KCNJ3: variants seen among roughly 807,000 people sequenced by gnomAD.
The protein encoded by KCNJ3 is potassium inwardly rectifying channel subfamily J member 3.
In KCNJ3, 4 loss-of-function variants were observed where a neutral mutation model predicts 39.2. That is an observed-to-expected ratio of 0.10 (90% CI 0.05 to 0.23). The LOEUF (loss-of-function observed/expected upper bound fraction) is 0.23. Among genes scored for constraint, KCNJ3 ranks in the 10% least tolerant of loss-of-function variants. The pLI, the probability that KCNJ3 is intolerant of heterozygous loss-of-function variation, is 1.00. For synonymous variants in KCNJ3, 230 were observed against 237.4 expected (o/e 0.97, Z 0.29); for missense variants, 276 against 634.9 (o/e 0.43, Z 6.08).
At chr2:154,728,616 T>C (rs914887848) in intron 2 of KCNJ3, among the ~76,000 whole-genome samples, 1 of 152,196 alleles carries the variant, frequency 6.6e-6, no homozygotes, top group Non-Finnish European at 1.5e-5. Flanking sequence ...GAATTTCCTA[T>C]AAAAGAATGT....
chr2:154,735,150 G>A lies in KCNJ3; in HGVS notation c.919+25331G>A, dbSNP rs1406993288. On this transcript the variant is annotated intron_variant, in intron 2 of 2. Coordinates refer to ENST00000295101, the MANE Select transcript of KCNJ3 (RefSeq NM_002239.4). The stretch of plus-strand genomic sequence containing the variant: ...CGCCCAGGCGGGAGTGCAGGGGCGC[G>A]ATCTCGGCTCACTGCAAGCTCCGCC... Among the ~76,000 whole-genome samples, 7 of 151,774 alleles carry A rather than the reference G, an allele frequency of 4.6e-5. No individual in the cohort carries two copies. The South Asian group carries it at 1.0e-3, about 23-fold the overall frequency.
At position 154,855,707 on chromosome 2, in the gene KCNJ3, A is replaced by AG. The variant is rs757452826; in HGVS notation, c.*397dup. The AG allele has an allele frequency of 1.9e-5, 3 of 157,986 alleles. No homozygotes were observed. The highest frequency in any genetic ancestry group is 2.8e-5 in the Non-Finnish European group (2 of 71,152). The allele number at this position is 157,986 out of a possible 1,614,324, so 9.8% of individuals were successfully genotyped here. A position where few individuals can be genotyped will look rare whatever the true frequency, so the allele number is the denominator to read the frequency against. On this transcript the variant is annotated 3_prime_UTR_variant, in exon 3 of 3. Transcript: ENST00000295101. ...AGCCAAACATGAGTGAATAGCTTTC[A>AG]GGGCGATAAAACTAAATATATGTCT... is the stretch of plus-strand genomic sequence containing the variant.
intron 2 of KCNJ3, among the ~76,000 whole-genome samples, chr2:154,779,241 C>G (rs1558871993): frequency 6.6e-6 from 1 of 151,760 alleles, no homozygotes; most frequent in South Asian, 2.1e-4. Flanking sequence ...TCACTTACCT[C>G]TAGCCCAGAA....
intron 2 of KCNJ3, among the ~76,000 whole-genome samples, chr2:154,781,753 T>C (rs886509831): frequency 6.6e-6 from 1 of 152,238 alleles, no homozygotes; most frequent in African/African-American, 2.4e-5. Flanking sequence ...TTTAATAATT[T>C]ATTTGCAATA....
chr2:154,779,992 A>G (rs16838151), intron 2 of KCNJ3, among the ~76,000 whole-genome samples: 23,718 of 152,130 alleles, frequency 0.16, 2,544 homozygotes, highest in African/African-American at 0.3. Flanking sequence ...CATGAGAGAG[A>G]AGCAAGGACA....
intron 2 of KCNJ3, among the ~76,000 whole-genome samples, chr2:154,774,658 CTA>C (rs746499313): frequency 3.9e-5 from 6 of 152,016 alleles, no homozygotes; most frequent in Non-Finnish European, 7.4e-5. Context: ...TGGGAACACT[CTA>C]TTCTGTAATA....
At chr2:154,804,359 G>C (rs1328146362) in intron 2 of KCNJ3, among the ~76,000 whole-genome samples, 1 of 152,108 alleles carries the variant, frequency 6.6e-6, no homozygotes, top group Non-Finnish European at 1.5e-5. Context: ...ACATATTTAT[G>C]ATTGAGCTGT....
In KCNJ3 at chr2:154,737,271, G is replaced by A. The variant is rs1685564591; in HGVS notation, c.919+27452G>A. On this transcript the variant is annotated intron_variant, in intron 2 of 2. Transcript: ENST00000295101. Reference sequence around the variant, plus strand: ...ATTGGGGCAAAATTATCTCTAGATTGAAGTTTGTTCTAGATCTGCTTAAAA... The same window carrying A: ...ATTGGGGCAAAATTATCTCTAGATTAAAGTTTGTTCTAGATCTGCTTAAAA... Among the ~76,000 whole-genome samples, 5 of 152,316 alleles carry A rather than the reference G, an allele frequency of 3.3e-5. No individual in the cohort carries two copies. In the South Asian group the frequency reaches 1.0e-3, roughly 32 times the overall value.
intron 2 of KCNJ3, among the ~76,000 whole-genome samples, chr2:154,771,093 G>A (rs1251793316): frequency 6.6e-6 from 1 of 151,924 alleles, no homozygotes; most frequent in Non-Finnish European, 1.5e-5. Context: ...GTTTCACTAT[G>A]TTGGCCAGGC....
intron 2 of KCNJ3, among the ~76,000 whole-genome samples, chr2:154,731,810 G>A (rs1685453555): frequency 6.6e-6 from 1 of 151,624 alleles, no homozygotes; most frequent in Non-Finnish European, 1.5e-5. Context: ...TCCAGGGTAA[G>A]CCCATGCATT....
rs1687359993 is a variant in KCNJ3, at chr2:154,831,352, A to G, written c.920-23375A>G. On this transcript the variant is annotated intron_variant, in intron 2 of 2. Transcript: ENST00000295101. ...TGTTTTACTCTAAAAATAGTTTTGT[A>G]TAAGACTCCATTTCATAAGATTAAA... 2.0e-5 allele frequency among the ~76,000 whole-genome samples: 3 copies of G among 152,242 alleles called. 1 individual carries two copies. In the South Asian group the frequency reaches 6.2e-4, roughly 32 times the overall value.
chr2:154,726,202 G>A (rs1485702363), intron 2 of KCNJ3, among the ~76,000 whole-genome samples: 2 of 151,986 alleles, frequency 1.3e-5, no homozygotes, highest in Non-Finnish European at 2.9e-5. Flanking sequence ...GGAAATTTTC[G>A]CAGACTATGC....
At chr2:154,761,076 T>TG (rs1198912690) in intron 2 of KCNJ3, among the ~76,000 whole-genome samples, 3 of 150,546 alleles carry the variant, frequency 2.0e-5, no homozygotes, top group South Asian at 2.1e-4. Flanking sequence ...TTTTTTTTTT[T>TG]TTGTTGTAGA....
At chr2:154,799,443 G>A (rs999330906) in intron 2 of KCNJ3, among the ~76,000 whole-genome samples, 2 of 152,158 alleles carry the variant, frequency 1.3e-5, no homozygotes, top group Non-Finnish European at 2.9e-5. Flanking sequence ...AAATTTTAAA[G>A]CAATTCCTGA....
intron 2 of KCNJ3, among the ~76,000 whole-genome samples, chr2:154,812,857 G>A (rs961411605): frequency 1.3e-5 from 2 of 152,014 alleles, no homozygotes; most frequent in Non-Finnish European, 2.9e-5. Context: ...CCGGAAAAAG[G>A]GCAGTAAAAG....
intron 2 of KCNJ3, among the ~76,000 whole-genome samples, chr2:154,824,851 G>T (rs1246968156): frequency 6.6e-6 from 1 of 152,136 alleles, no homozygotes; most frequent in Non-Finnish European, 1.5e-5. Flanking sequence ...TACCTTGCAG[G>T]GGTGCAGGCC....
intron 2 of KCNJ3, among the ~76,000 whole-genome samples, chr2:154,830,642 G>A (rs1326568438): frequency 6.6e-6 from 1 of 152,144 alleles, no homozygotes; most frequent in Non-Finnish European, 1.5e-5. Context: ...AGAAACTTGA[G>A]ACTTGAGGTG....
intron 2 of KCNJ3, among the ~76,000 whole-genome samples, chr2:154,730,121 A>C (rs1160237378): frequency 2.0e-5 from 3 of 151,972 alleles, no homozygotes; most frequent in African/African-American, 7.2e-5. Context: ...TAACTCTGAA[A>C]TGATGCAACT....
intron 2 of KCNJ3, among the ~76,000 whole-genome samples, chr2:154,722,085 AT>A (rs1224687873): frequency 6.6e-6 from 1 of 152,058 alleles, no homozygotes; most frequent in Admixed American, 6.6e-5. Context: ...AAGTCAATAG[AT>A]TTTTGTCTCA....
Sources: gnomAD v4.1 joint callset for allele counts (sites outside exome capture counted in the v4.1 genomes callset) on GRCh38, gnomAD v4.1.1 for gene constraint, MANE v1.5 for transcripts, NCBI Gene and HGNC (gene_info 2026-07-23, HGNC 2026-07-21) for gene names.